ANP32B: variants seen among roughly 807,000 people sequenced by gnomAD.
ANP32B encodes the protein acidic leucine-rich nuclear phosphoprotein 32 family member B.
In ANP32B, 6 loss-of-function variants were observed where a neutral mutation model predicts 32.2. The ratio of observed to expected loss-of-function variants is 0.19; its 90% CI spans 0.10 to 0.37. The LOEUF (loss-of-function observed/expected upper bound fraction) is 0.37, where lower values mean the gene tolerates loss of function less well. Among genes scored for constraint, ANP32B ranks in the 10% least tolerant of loss-of-function variants. The pLI, the probability that ANP32B is intolerant of heterozygous loss-of-function variation, is 1.00. For missense variants in ANP32B, 204 were observed against 289.2 expected (o/e 0.71, Z 2.14); for synonymous variants, 98 against 105.8 (o/e 0.93, Z 0.45).
At chr9:97,998,206 A>G (rs962115199) in intron 2 of ANP32B, among the ~76,000 whole-genome samples, 4 of 152,234 alleles carry the variant, frequency 2.6e-5, no homozygotes, top group African/African-American at 9.6e-5. Flanking sequence ...TGCACAGACT[A>G]TTAAACCATT....
At chr9:97,984,778 G>C (rs1329723950) in intron 1 of ANP32B, 2 of 150,126 alleles carry the variant, frequency 1.3e-5, no homozygotes, top group Non-Finnish European at 3.0e-5. Context: ...CCCGTCGCGG[G>C]CGCGCTGCCG....
chr9:98,004,867 T>C (rs1373277256), intron 3 of ANP32B, 97 bp from the exon 4 acceptor site: 13 of 956,352 alleles, frequency 1.4e-5, no homozygotes, highest in Non-Finnish European at 2.0e-5. Context: ...GTAGTGGAAA[T>C]TGAATATAGA....
chr9:98,007,683 CAG>C (rs1401564815), intron 4 of ANP32B, among the ~76,000 whole-genome samples: 1 of 152,180 alleles, frequency 6.6e-6, no homozygotes, highest in East Asian at 1.9e-4. Context: ...CTACTCGAGT[CAG>C]AGAGGTCGCT....
intron 6 of ANP32B, among the ~76,000 whole-genome samples, chr9:98,014,064 T>C (rs1828234146): frequency 6.6e-6 from 1 of 152,144 alleles, no homozygotes; most frequent in Non-Finnish European, 1.5e-5. Context: ...TGCTGTTGGC[T>C]GATGTTTTCT....
chr9:98,007,089 G>A (rs1828098648), intron 4 of ANP32B, among the ~76,000 whole-genome samples: 2 of 152,116 alleles, frequency 1.3e-5, no homozygotes, highest in South Asian at 4.1e-4. Context: ...AAATAAACAT[G>A]AACGTGAAAA....
intron 4 of ANP32B, among the ~76,000 whole-genome samples, chr9:98,005,561 AGTGTGTGTTT>A (rs1167739864): frequency 6.6e-6 from 1 of 151,926 alleles, no homozygotes; most frequent in East Asian, 1.9e-4. Context: ...TGAGGAAAAT[AGTGTGTGTTT>A]GTGTGCGTGC....
At position 97,994,768 on chromosome 9, in the gene ANP32B, T is replaced by C; in HGVS notation, c.192T>C (p.Pro64=). Residue 64 remains proline (P), a synonymous_variant, in exon 2 of 7, where the codon CCT becomes CCC. Transcript: ENST00000339399. ...CAGTTTCAAATCTCCCCAAGCTGCC[T>C]AAATTGAAAAAGGTAAGTGCTTTTT... The part of the protein sequence containing the change: ...LISVSNLPKL[P]KLKKLELSEN... 2 of 1,589,822 alleles carry C rather than the reference T, an allele frequency of 1.3e-6. No individual in the cohort carries two copies. The highest frequency in any genetic ancestry group is 1.7e-6 in the Non-Finnish European group (2 of 1,171,348).
chr9:97,990,814 CTTTTTTTT>C (rs34489949), intron 1 of ANP32B, among the ~76,000 whole-genome samples: 26 of 98,894 alleles, frequency 2.6e-4, no homozygotes, highest in Admixed American at 3.6e-4. Flanking sequence ...ACAGTTGAAC[CTTTTTTTT>C]TTTTTTTTTT....
intron 4 of ANP32B, among the ~76,000 whole-genome samples, chr9:98,008,861 C>G: frequency 6.6e-6 from 1 of 152,174 alleles, no homozygotes; most frequent in Non-Finnish European, 1.5e-5. Flanking sequence ...AAACATAATG[C>G]GTTTGAATCA....
At chr9:98,011,976 A>G (rs369955961) in intron 5 of ANP32B, among the ~76,000 whole-genome samples, 1 of 152,352 alleles carries the variant, frequency 6.6e-6, no homozygotes, top group African/African-American at 2.4e-5. Flanking sequence ...GGCAGACAAC[A>G]TTAGTTGTTA....
intron 1 of ANP32B, among the ~76,000 whole-genome samples, chr9:97,988,969 C>T (rs542329556): frequency 6.6e-6 from 1 of 152,086 alleles, no homozygotes; most frequent in African/African-American, 2.4e-5. Flanking sequence ...ATGGCAGAGA[C>T]AGCTGGTATA....
rs1010074091 is a variant in ANP32B at position 97,995,888 on chromosome 9, T to A, written c.204+1108T>A. Among the ~76,000 whole-genome samples, 3 of 146,834 alleles carry A rather than the reference T, an allele frequency of 2.0e-5. No homozygotes were observed. The South Asian group carries it at 6.4e-4, about 31-fold the overall frequency. On this transcript the variant is annotated intron_variant, in intron 2 of 6. Coordinates refer to ENST00000339399, the MANE Select transcript of ANP32B (RefSeq NM_006401.3). ...TTGTAGTGAGCCAAAATCACACCGCTGCATTCCAGCCTGGGCGACAGAGCA... is the reference window on the plus strand; with the variant it reads ...TTGTAGTGAGCCAAAATCACACCGCAGCATTCCAGCCTGGGCGACAGAGCA...
intron 4 of ANP32B, among the ~76,000 whole-genome samples, chr9:98,007,657 C>T (rs964596409): frequency 1.3e-5 from 2 of 152,162 alleles, no homozygotes; most frequent in African/African-American, 4.8e-5. Flanking sequence ...CATGGCTGGA[C>T]GGCTTTCTGG....
intron 4 of ANP32B, among the ~76,000 whole-genome samples, chr9:98,006,384 T>A (rs1828083011): frequency 6.6e-6 from 1 of 152,178 alleles, no homozygotes; most frequent in Non-Finnish European, 1.5e-5. Context: ...TGCCCATTTT[T>A]TTATTTACCA....
chr9:98,006,010 C>T (rs1271928396), intron 4 of ANP32B, among the ~76,000 whole-genome samples: 1 of 152,060 alleles, frequency 6.6e-6, no homozygotes, highest in Non-Finnish European at 1.5e-5. Context: ...CTCATAGGAA[C>T]GAGAATCCTA....
At chr9:97,998,909 G>A (rs1447631969) in intron 3 of ANP32B, among the ~76,000 whole-genome samples, 1 of 58,792 alleles carries the variant, frequency 1.7e-5, no homozygotes, top group Non-Finnish European at 2.9e-5. Flanking sequence ...CCGGGTTCAC[G>A]CCATTCTCCT....
At chr9:97,999,425 T>C (rs1022817798) in intron 3 of ANP32B, among the ~76,000 whole-genome samples, 1 of 152,240 alleles carries the variant, frequency 6.6e-6, no homozygotes, top group African/African-American at 2.4e-5. Context: ...AGCTCTATTT[T>C]AAGCTTTGGG....
chr9:97,983,657 T>C (rs1318303190), intron 1 of ANP32B, 48 bp downstream of exon 1: 1 of 1,441,586 alleles, frequency 6.9e-7, no homozygotes, highest in Admixed American at 2.2e-5. Flanking sequence ...GACTTGCATG[T>C]AATGGTGGCC....
chr9:97,985,936 C>T (rs911006038), intron 1 of ANP32B, among the ~76,000 whole-genome samples: 1 of 152,234 alleles, frequency 6.6e-6, no homozygotes, highest in African/African-American at 2.4e-5. Context: ...ATTCTCCTGC[C>T]TCAACCTCCC....
Sources: gnomAD v4.1 joint callset for allele counts (sites outside exome capture counted in the v4.1 genomes callset) on GRCh38, gnomAD v4.1.1 for gene constraint, MANE v1.5 for transcripts, NCBI Gene and HGNC (gene_info 2026-07-23, HGNC 2026-07-21) for gene names.